ZNF674: variants seen among roughly 807,000 people sequenced by gnomAD.
ZNF674 encodes zinc finger family member 674.
ZNF674 carries 2 observed loss-of-function variants against 7.0 expected under a neutral mutation model. That is an observed-to-expected ratio of 0.29 (90% CI 0.12 to 0.90). The LOEUF (loss-of-function observed/expected upper bound fraction) is 0.90. ZNF674 is among the 40% of genes least tolerant of loss of function. The probability of loss-of-function intolerance (pLI) is 0.57; values close to 1 mark genes in which losing one functional copy is unlikely to be tolerated. For synonymous variants in ZNF674, 103 were observed against 145.2 expected (o/e 0.71, Z 2.09); for missense variants, 297 against 415.5 (o/e 0.71, Z 2.48).
chrX:46,518,719 CAA>C (rs376915363), intron 5 of ZNF674, among the ~76,000 whole-genome samples: 125 of 75,668 alleles, frequency 1.7e-3, no homozygotes, highest in African/African-American at 4.3e-3. Context: ...ACTAAAAATA[CAA>C]AAAAAAAAAA....
intron 5 of ZNF674, among the ~76,000 whole-genome samples, chrX:46,503,660 T>A (rs762423059): frequency 6.7e-4 from 75 of 111,439 alleles, no homozygotes; most frequent in African/African-American, 2.3e-3. Flanking sequence ...ATCTGGCACT[T>A]AGTAACCAAA....
At chrX:46,503,685 A>G in intron 5 of ZNF674, among the ~76,000 whole-genome samples, 1 of 112,001 alleles carries the variant, frequency 8.9e-6, no homozygotes, top group South Asian at 3.7e-4. Context: ...AATTGGCAAG[A>G]TAATGCTTAT....
intron 5 of ZNF674, among the ~76,000 whole-genome samples, chrX:46,520,408 T>A (rs1602067257): frequency 9.1e-6 from 1 of 110,218 alleles, no homozygotes; most frequent in Non-Finnish European, 1.9e-5. Flanking sequence ...CAAAAATAAA[T>A]AAATAAATAA....
intron 3 of ZNF674, among the ~76,000 whole-genome samples, chrX:46,536,780 T>C (rs757497366): frequency 1.8e-5 from 2 of 108,950 alleles, no homozygotes. Context: ...AAGAAAAAAA[T>C]AAAAGAAAAA....
At chrX:46,532,521 C>T (rs1376692511) in intron 3 of ZNF674, among the ~76,000 whole-genome samples, 1 of 111,238 alleles carries the variant, frequency 9.0e-6, no homozygotes, top group Admixed American at 9.6e-5. Flanking sequence ...CTCGTTAAGT[C>T]GCAAAAAAAA....
intron 5 of ZNF674, among the ~76,000 whole-genome samples, chrX:46,508,512 T>G (rs753264104): frequency 8.9e-6 from 1 of 112,044 alleles, no homozygotes. Flanking sequence ...AAGTCATTGG[T>G]AGCTTGATGG....
chrX:46,544,682 T>TGAAACCC (rs1481343690), intron 1 of ZNF674, 71 bp from the exon 2 acceptor site: 1 of 112,199 alleles, frequency 8.9e-6, no homozygotes, highest in African/African-American at 3.2e-5. Context: ...TGAAGTTGAG[T>TGAAACCC]GAAACCCAAA....
chrX:46,528,202 A>G (rs973074799), intron 5 of ZNF674, 148 bp downstream of exon 5: 3 of 589,051 alleles, frequency 5.1e-6, no homozygotes, highest in African/African-American at 2.2e-5. Flanking sequence ...CCTCATTTGG[A>G]CATGACAACA....
chrX:46,524,251 A>G (rs1206292544), intron 5 of ZNF674, among the ~76,000 whole-genome samples: 1 of 112,160 alleles, frequency 8.9e-6, no homozygotes, highest in African/African-American at 3.2e-5. Context: ...CAAACAGTGT[A>G]AGTGAAGAAA....
Position 46,500,291 on chromosome X carries a change from C to A in ZNF674, c.1283G>T (p.Arg428Ile). Residue 428 changes from arginine (R) to isoleucine (I), a missense_variant, in exon 6 of 6, where the codon AGA becomes ATA. Coordinates refer to ENST00000683375, the MANE Select transcript of ZNF674 (RefSeq NM_001190417.2). ...ATAAGGTTTCTCTCCTGTATGAGTT[C>A]TATGATGGACAGAGAGGTGTGACTT... ...SGKSHLSVHH[R>I]THTGEKPYEC... is the part of the protein sequence containing the mutation. 1 of 1,210,860 alleles carries A rather than the reference C, an allele frequency of 8.3e-7. No individual in the cohort carries two copies. Among genetic ancestry groups the A allele is most frequent in the East Asian group, 3.0e-5 (1 of 33,835 alleles).
At chrX:46,519,265 A>AT (rs1569476445) in intron 5 of ZNF674, among the ~76,000 whole-genome samples, 15 of 45,709 alleles carry the variant, frequency 3.3e-4, no homozygotes, top group Non-Finnish European at 4.5e-4. Flanking sequence ...TAGATAGATA[A>AT]AGATAGATGA....
intron 3 of ZNF674, among the ~76,000 whole-genome samples, chrX:46,540,571 C>T (rs1458545201): frequency 4.5e-5 from 5 of 111,251 alleles, no homozygotes; most frequent in Non-Finnish European, 9.4e-5. Flanking sequence ...TCTTTAATAG[C>T]CTGGAAAAAT....
At chrX:46,525,615 C>CA (rs1194779627) in intron 5 of ZNF674, among the ~76,000 whole-genome samples, 2,912 of 86,586 alleles carry the variant, frequency 0.034, 114 homozygotes, top group African/African-American at 0.11. Context: ...AACTCCTTCT[C>CA]AAAAAAAAAA....
chrX:46,503,901 TG>T (rs1941478963), intron 5 of ZNF674, among the ~76,000 whole-genome samples: 1 of 110,816 alleles, frequency 9.0e-6, no homozygotes, highest in Non-Finnish European at 1.9e-5. Context: ...TAGCTGGGCA[TG>T]GTGGCGCACA....
At chrX:46,525,592 G>A (rs1299978289) in intron 5 of ZNF674, among the ~76,000 whole-genome samples, 3 of 107,697 alleles carry the variant, frequency 2.8e-5, no homozygotes, top group Non-Finnish European at 5.7e-5. Context: ...TCCAGCCTGG[G>A]CAACAAAAGC....
chrX:46,522,498 C>T (rs1941932068), intron 5 of ZNF674, among the ~76,000 whole-genome samples: 1 of 110,822 alleles, frequency 9.0e-6, no homozygotes, highest in Admixed American at 9.7e-5. Context: ...GACCCCATCT[C>T]TATATGAAAA....
chrX:46,524,969 C>T (rs1941982848), intron 5 of ZNF674, among the ~76,000 whole-genome samples: 1 of 110,710 alleles, frequency 9.0e-6, no homozygotes, highest in Non-Finnish European at 1.9e-5. Context: ...ATGACCATAC[C>T]ACTGCACTCC....
intron 3 of ZNF674, among the ~76,000 whole-genome samples, chrX:46,530,093 A>G (rs1377650470): frequency 8.9e-6 from 1 of 111,795 alleles, no homozygotes; most frequent in Non-Finnish European, 1.9e-5. Context: ...GCAAAGACTA[A>G]TAACCCGCCT....
At chrX:46,517,095 C>A (rs777511637) in intron 5 of ZNF674, among the ~76,000 whole-genome samples, 2 of 110,965 alleles carry the variant, frequency 1.8e-5, no homozygotes, top group African/African-American at 6.5e-5. Context: ...AACATAAAAA[C>A]CAATCACAAA....
Sources: allele counts gnomAD v4.1 joint callset (sites outside exome capture counted in the v4.1 genomes callset), GRCh38; gene constraint gnomAD v4.1.1; transcripts MANE v1.5; gene names NCBI Gene and HGNC (gene_info 2026-07-23, HGNC 2026-07-21).